NPR3: variants seen among roughly 807,000 people sequenced by gnomAD.
The protein encoded by NPR3 is natriuretic peptide receptor 3.
In NPR3, 34 loss-of-function variants were observed where a neutral mutation model predicts 54.5. The ratio of observed to expected loss-of-function variants is 0.62; its 90% CI spans 0.47 to 0.83. NPR3 has a LOEUF of 0.83. Ranked by LOEUF, NPR3 falls within the 40% of genes least tolerant of loss-of-function variation. The pLI, the probability that NPR3 is intolerant of heterozygous loss-of-function variation, is 0.00. For synonymous variants in NPR3, 289 were observed against 297.1 expected, an observed-to-expected ratio of 0.97 and a Z score of 0.28; for missense variants, 674 against 720.8, an observed-to-expected ratio of 0.94 and a Z score of 0.74.
Position 32,789,151 on chromosome 5 carries a change from A to G in NPR3, c.*2806A>G, listed in dbSNP as rs759442374. ...AAATCCAGGGTGTTCAGATTTCAAA[A>G]AGGATAATTTATCAGTATTTTCTCA... On this transcript the variant is annotated 3_prime_UTR_variant, in exon 8 of 8. Coordinates refer to ENST00000265074, the MANE Select transcript of NPR3 (RefSeq NM_001204375.2). 8.9e-5 allele frequency: 18 copies of G among 202,706 alleles called. No homozygotes were observed. The highest frequency in any genetic ancestry group is 4.2e-4 in the Admixed American group (8 of 18,904). The allele number at this position is 202,706 out of a possible 1,614,324, so 12.6% of individuals were successfully genotyped here.
At chr5:32,723,722 T>C (rs950536429) in intron 1 of NPR3, among the ~76,000 whole-genome samples, 1 of 152,252 alleles carries the variant, frequency 6.6e-6, no homozygotes, top group Non-Finnish European at 1.5e-5. Context: ...CTTGCACTTT[T>C]GGAAAAGACG....
chr5:32,782,624 G>T (rs894363267), intron 5 of NPR3, among the ~76,000 whole-genome samples: 1 of 152,178 alleles, frequency 6.6e-6, no homozygotes, highest in African/African-American at 2.4e-5. Context: ...GCTCTCTTGA[G>T]AGCACCATCA....
intron 3 of NPR3, among the ~76,000 whole-genome samples, chr5:32,742,544 TA>T (rs1262598943): frequency 1.3e-5 from 2 of 152,086 alleles, no homozygotes; most frequent in South Asian, 2.1e-4. Context: ...TATATTGAAT[TA>T]AAATTAAGTA....
At chr5:32,721,118 C>T (rs1182936755) in intron 1 of NPR3, among the ~76,000 whole-genome samples, 2 of 152,150 alleles carry the variant, frequency 1.3e-5, no homozygotes, top group Non-Finnish European at 2.9e-5. Context: ...ACTCTGACTA[C>T]TTTGCAAGTG....
chr5:32,758,900 G>A (rs1443425077), intron 3 of NPR3, among the ~76,000 whole-genome samples: 4 of 152,192 alleles, frequency 2.6e-5, no homozygotes, highest in East Asian at 3.9e-4. Flanking sequence ...CAGTTTCCAT[G>A]TAGTTGAGCA....
At chr5:32,761,152 T>C (rs570262748) in intron 3 of NPR3, among the ~76,000 whole-genome samples, 2 of 152,166 alleles carry the variant, frequency 1.3e-5, no homozygotes, top group Non-Finnish European at 2.9e-5. Flanking sequence ...TGTAAGTTTT[T>C]TCCTTTTTAT....
rs1411552675 is a variant in NPR3, at chr5:32,788,988, A to G, written c.*2643A>G. 6.5e-6 allele frequency: 1 copy of G among 153,744 alleles called. No homozygotes were observed. Among genetic ancestry groups the G allele is most frequent in the African/African-American group, 2.4e-5 (1 of 41,440 alleles). 9.5% of individuals were successfully genotyped at this position (153,744 alleles called of 1,614,324 possible). Reference sequence around the variant, plus strand: ...CCCTGGATTCAGGTCTCTCATGATTATATTTGGGGATTTACGTTCCTAACT... The same window carrying G: ...CCCTGGATTCAGGTCTCTCATGATTGTATTTGGGGATTTACGTTCCTAACT... On this transcript the variant is annotated 3_prime_UTR_variant, in exon 8 of 8. Coordinates refer to ENST00000265074, the MANE Select transcript of NPR3 (RefSeq NM_001204375.2).
Position 32,711,329 on chromosome 5 carries a change from T to A in NPR3, c.-448T>A. ...CTATGGATCCAGGAACCGGCGCGAA[T>A]CAATGAGATCAAATGCGAGGGAGAT... On this transcript the variant is annotated 5_prime_UTR_variant, in exon 1 of 8. Transcript: ENST00000265074. The A allele has an allele frequency of 3.0e-6, 3 of 985,492 alleles. No individual in the cohort carries two copies. The highest frequency in any genetic ancestry group is 3.6e-6 in the Non-Finnish European group (3 of 830,730). The allele number at this position is 985,492 out of a possible 1,614,324, so 61.0% of individuals were successfully genotyped here.
chr5:32,723,326 G>T (rs1013147349), intron 1 of NPR3, among the ~76,000 whole-genome samples: 1 of 152,180 alleles, frequency 6.6e-6, no homozygotes, highest in African/African-American at 2.4e-5. Flanking sequence ...TCTAGGCTGT[G>T]TAGCCCTTAT....
intron 2 of NPR3, among the ~76,000 whole-genome samples, chr5:32,726,815 A>G (rs928292133): frequency 3.3e-5 from 5 of 152,310 alleles, no homozygotes; most frequent in South Asian, 2.1e-4. Flanking sequence ...ACAAAAGTAC[A>G]CTGATAATTT....
At chr5:32,772,503 G>A (rs533337439) in intron 3 of NPR3, among the ~76,000 whole-genome samples, 4 of 152,302 alleles carry the variant, frequency 2.6e-5, no homozygotes, top group Non-Finnish European at 4.4e-5. Flanking sequence ...GTCATACTGG[G>A]ATGGAATTAA....
chr5:32,735,108 G>A (rs950000355), intron 2 of NPR3, among the ~76,000 whole-genome samples: 2 of 152,120 alleles, frequency 1.3e-5, no homozygotes, highest in Non-Finnish European at 1.5e-5. Context: ...CACCCAGCAC[G>A]GTCTCTAGTC....
intron 4 of NPR3, among the ~76,000 whole-genome samples, chr5:32,780,430 T>A (rs1017961182): frequency 6.6e-6 from 1 of 152,254 alleles, no homozygotes; most frequent in African/African-American, 2.4e-5. Flanking sequence ...GGGATAAGCA[T>A]GCTGCTTTCA....
upstream of NPR3, among the ~76,000 whole-genome samples, chr5:32,708,410 T>C (rs1003145129): frequency 1.2e-4 from 18 of 152,136 alleles, no homozygotes; most frequent in African/African-American, 4.3e-4. Flanking sequence ...TATTTTTGGG[T>C]TTATTGTGCT....
intron 2 of NPR3, 147 bp downstream of exon 2, chr5:32,724,967 T>C: frequency 1.1e-6 from 1 of 873,872 alleles, no homozygotes; most frequent in Non-Finnish European, 1.7e-6. Context: ...AATCATGTCT[T>C]TTGCAGCAAC....
At position 32,773,637 on chromosome 5, in the gene NPR3, T is replaced by C. The variant is rs1741887018; in HGVS notation, c.1060-1071T>C. On this transcript the variant is annotated intron_variant, in intron 3 of 7. Transcript: ENST00000265074. The stretch of plus-strand genomic sequence containing the variant: ...ATAACTCAGTTCGACTTTTTTTCAC[T>C]GCTGTTAAGCCCCTCTTGCCCGCCC... Among the ~76,000 whole-genome samples, 3 of 152,208 alleles carry C rather than the reference T, an allele frequency of 2.0e-5. No homozygotes were observed. The South Asian group carries it at 6.2e-4, about 32-fold the overall frequency.
chr5:32,703,692 G>A (rs1428403842), intron 1 of NPR3, among the ~76,000 whole-genome samples: 1 of 152,154 alleles, frequency 6.6e-6, no homozygotes, highest in Non-Finnish European at 1.5e-5. Flanking sequence ...ACTCCTTTTG[G>A]TGGCCTATCC....
At chr5:32,726,197 G>A (rs1291176226) in intron 2 of NPR3, among the ~76,000 whole-genome samples, 2 of 152,174 alleles carry the variant, frequency 1.3e-5, no homozygotes, top group East Asian at 3.9e-4. Flanking sequence ...ATGAGATATA[G>A]TTGGACAGGA....
At position 32,780,764 on chromosome 5, in the gene NPR3, A is replaced by G. The variant is rs1225329716; in HGVS notation, c.1238A>G (p.Tyr413Cys). The G allele has an allele frequency of 1.2e-6, 2 of 1,603,466 alleles. No homozygotes were observed. The highest frequency in any genetic ancestry group is 8.5e-7 in the Non-Finnish European group (1 of 1,170,346). Residue 413 changes from tyrosine to cysteine, a missense_variant, in exon 5 of 8, where the codon TAT (tyrosine) becomes TGT (cysteine). Physicochemically the swap from Tyr to Cys is radical, Grantham distance 194. Transcript: ENST00000265074. ...QVSIDANGDR[Y>C]GDFSVIAMTD... ...TCCATAGATGCCAACGGAGACCGAT[A>G]TGGGGATTTCTCTGTGATTGCCATG... is the stretch of plus-strand genomic sequence containing the variant.
Sources: allele counts gnomAD v4.1 joint callset (sites outside exome capture counted in the v4.1 genomes callset), GRCh38; gene constraint gnomAD v4.1.1; transcripts MANE v1.5; gene names NCBI Gene and HGNC (gene_info 2026-07-23, HGNC 2026-07-21).